AP2B1: variants seen among roughly 807,000 people sequenced by gnomAD.
AP2B1 encodes adaptor related protein complex 2 subunit beta 1.
In AP2B1, 23 loss-of-function variants were observed where a neutral mutation model predicts 102.0. The ratio of observed to expected loss-of-function variants is 0.23; its 90% CI spans 0.16 to 0.32. The LOEUF is 0.32. AP2B1 is among the 10% of genes least tolerant of loss of function. AP2B1 has a pLI of 1.00. For missense variants in AP2B1, 541 were observed against 1,157.4 expected, an observed-to-expected ratio of 0.47 and a Z score of 7.73; for synonymous variants, 381 against 421.2, an observed-to-expected ratio of 0.90 and a Z score of 1.17.
chr17:35,615,997 T>A (rs1226068963), intron 5 of AP2B1, among the ~76,000 whole-genome samples: 1 of 152,204 alleles, frequency 6.6e-6, no homozygotes, highest in Non-Finnish European at 1.5e-5. Flanking sequence ...TGAGTGTATT[T>A]CTGTCTCTAC....
intron 3 of AP2B1, among the ~76,000 whole-genome samples, chr17:35,605,199 CT>C (rs1296785269): frequency 1.3e-5 from 2 of 151,894 alleles, no homozygotes; most frequent in African/African-American, 4.8e-5. Context: ...GCCACCATGT[CT>C]GGCCTACAGT....
In AP2B1 at chr17:35,630,013, G is replaced by A. The variant is rs1341989516; in HGVS notation, c.1155+2287G>A. ...ACTTGATTATATGCAGTTCTGCCTA[G>A]AGTCAGAGGATTGGACCATATGATT... On this transcript the variant is annotated intron_variant, in intron 9 of 21. Coordinates refer to ENST00000610402, the MANE Select transcript of AP2B1 (RefSeq NM_001030006.2). Among the ~76,000 whole-genome samples the A allele has an allele frequency of 2.0e-5, 3 of 152,324 alleles. No homozygotes were observed. The East Asian group carries it at 5.8e-4, about 29-fold the overall frequency.
At chr17:35,641,456 T>C (rs1028834563) in intron 11 of AP2B1, among the ~76,000 whole-genome samples, 5 of 152,072 alleles carry the variant, frequency 3.3e-5, no homozygotes, top group Non-Finnish European at 7.4e-5. Context: ...CTTGCACCTG[T>C]AGTCCCAGCT....
intron 3 of AP2B1, chr17:35,601,146 G>A: frequency 4.8e-6 from 1 of 210,056 alleles, no homozygotes; most frequent in Non-Finnish European, 8.3e-6. Context: ...TTGGTAGGTA[G>A]GTACTTACAT....
At chr17:35,684,968 TC>T (rs2075901277) in intron 18 of AP2B1, among the ~76,000 whole-genome samples, 1 of 152,382 alleles carries the variant, frequency 6.6e-6, no homozygotes, top group African/African-American at 2.4e-5. Flanking sequence ...TTTGACTAAC[TC>T]CTGAACAGGA....
intron 5 of AP2B1, among the ~76,000 whole-genome samples, chr17:35,615,479 T>C (rs1042038015): frequency 1.3e-5 from 2 of 152,168 alleles, no homozygotes; most frequent in African/African-American, 4.8e-5. Context: ...TGATAAAATA[T>C]TGAAAAAATG....
chr17:35,699,365 A>G (rs2076198475), intron 18 of AP2B1, among the ~76,000 whole-genome samples: 1 of 152,194 alleles, frequency 6.6e-6, no homozygotes, highest in Non-Finnish European at 1.5e-5. Context: ...TTCCCTATAA[A>G]GGGTTCCACT....
intron 18 of AP2B1, among the ~76,000 whole-genome samples, chr17:35,692,508 G>A (rs764336985): frequency 2.0e-5 from 3 of 152,202 alleles, no homozygotes; most frequent in East Asian, 3.9e-4. Flanking sequence ...CCTCTTTCTC[G>A]TCCCAGCTGA....
chr17:35,608,506 G>T, intron 5 of AP2B1, 119 bp downstream of exon 5: 2 of 1,215,938 alleles, frequency 1.6e-6, no homozygotes, highest in East Asian at 2.3e-5. Flanking sequence ...TGGGAAACAT[G>T]ACTTTGTGTG....
intron 18 of AP2B1, among the ~76,000 whole-genome samples, chr17:35,694,278 C>T (rs1361409365): frequency 2.0e-5 from 3 of 151,960 alleles, no homozygotes; most frequent in Non-Finnish European, 2.9e-5. Context: ...GGGTCTTGCT[C>T]AACTTCCCAC....
At chr17:35,687,414 C>G (rs2075959049) in intron 18 of AP2B1, among the ~76,000 whole-genome samples, 1 of 152,084 alleles carries the variant, frequency 6.6e-6, no homozygotes, top group African/African-American at 2.4e-5. Flanking sequence ...GCCACCACAC[C>G]CAGCTGGATT....
intron 2 of AP2B1, chr17:35,597,115 C>T: frequency 1.9e-6 from 1 of 521,462 alleles, no homozygotes; most frequent in Non-Finnish European, 3.5e-6. Flanking sequence ...CAGTAGCGAC[C>T]TCCGGAAGCG....
At chr17:35,597,112 G>T in intron 2 of AP2B1, 1 of 524,580 alleles carries the variant, frequency 1.9e-6, no homozygotes, top group South Asian at 1.8e-5. Flanking sequence ...CAGCAGTAGC[G>T]ACCTCCGGAA....
chr17:35,713,607 A>G (rs1192602924), intron 20 of AP2B1, among the ~76,000 whole-genome samples: 1 of 152,178 alleles, frequency 6.6e-6, no homozygotes, highest in Non-Finnish European at 1.5e-5. Flanking sequence ...CACTTTAAAT[A>G]GCTTTTCTGT....
chr17:35,618,279 G>A (rs575611700), intron 5 of AP2B1, among the ~76,000 whole-genome samples: 5 of 152,166 alleles, frequency 3.3e-5, no homozygotes, highest in Admixed American at 6.5e-5. Context: ...AGGTCATTCT[G>A]TAAAGGAGAT....
At chr17:35,588,842 A>G (rs1487219045) in intron 1 of AP2B1, 1 of 152,270 alleles carries the variant, frequency 6.6e-6, no homozygotes, top group African/African-American at 2.4e-5. Context: ...ATCAATATAA[A>G]TCTAATATTC....
intron 17 of AP2B1, among the ~76,000 whole-genome samples, chr17:35,677,049 G>A (rs1269544064): frequency 2.0e-5 from 3 of 152,164 alleles, no homozygotes; most frequent in Non-Finnish European, 4.4e-5. Context: ...GAGTGCAGTG[G>A]CACAATCAAG....
chr17:35,609,767 T>C (rs1171815048), intron 5 of AP2B1, among the ~76,000 whole-genome samples: 1 of 152,166 alleles, frequency 6.6e-6, no homozygotes, highest in African/African-American at 2.4e-5. Context: ...CTGAATATTT[T>C]CTTAGTGAAC....
intron 18 of AP2B1, among the ~76,000 whole-genome samples, chr17:35,706,748 C>T (rs1247544584): frequency 6.6e-6 from 1 of 152,040 alleles, no homozygotes; most frequent in East Asian, 1.9e-4. Context: ...TCAAGTGATT[C>T]TCCTGCCTCA....
Sources: allele counts gnomAD v4.1 joint callset (sites outside exome capture counted in the v4.1 genomes callset), GRCh38; gene constraint gnomAD v4.1.1; transcripts MANE v1.5; gene names NCBI Gene and HGNC (gene_info 2026-07-23, HGNC 2026-07-21).